GAS7: variants seen among roughly 807,000 people sequenced by gnomAD.
GAS7 encodes growth arrest specific 7, also known as growth arrest-specific protein 7.
Under a neutral mutation model 71.1 loss-of-function variants are expected in GAS7, and 28 were observed. The ratio of observed to expected loss-of-function variants is 0.39; its 90% CI spans 0.29 to 0.54. The LOEUF (loss-of-function observed/expected upper bound fraction) is 0.54. GAS7 is among the 20% of genes least tolerant of loss of function. The pLI, the probability that GAS7 is intolerant of heterozygous loss-of-function variation, is 0.62. For synonymous variants in GAS7, 258 were observed against 245.8 expected (o/e 1.05, Z -0.46); for missense variants, 436 against 627.8 (o/e 0.69, Z 3.27).
rs1182180205 is a variant in GAS7 at position 10,142,614 on chromosome 17, A to G, written c.183+55594T>C. 2.0e-5 allele frequency among the ~76,000 whole-genome samples: 3 copies of G among 152,250 alleles called. No homozygotes were observed. The East Asian group carries it at 5.8e-4, about 30-fold the overall frequency. On this transcript the variant is annotated intron_variant, in intron 1 of 13. Coordinates refer to ENST00000432992, the MANE Select transcript of GAS7 (RefSeq NM_201433.2). ...TGATCAGCCCGCCTCGGCCTCCCCA[A>G]GTCCTGGGATTACAGGCATGAGCCA...
In GAS7 at chr17:10,028,604, A is replaced by G. The variant is rs540089067; in HGVS notation, c.184-8707T>C. On this transcript the variant is annotated intron_variant, in intron 1 of 13. Transcript: ENST00000432992. Reference sequence around the variant, plus strand: ...CTCAGAAAAGTATCTAGCAACCTCAACAAAGGGCAGGAAGATATGACATTA... The same window carrying G: ...CTCAGAAAAGTATCTAGCAACCTCAGCAAAGGGCAGGAAGATATGACATTA... Among the ~76,000 whole-genome samples the G allele has an allele frequency of 2.6e-5, 4 of 152,270 alleles. No homozygotes were observed. In the South Asian group the frequency reaches 8.3e-4, roughly 32 times the overall value.
rs954736466 is a variant in GAS7, at chr17:9,917,360, A to G, written c.1318-19T>C. 2 of 1,556,804 alleles carry G rather than the reference A, an allele frequency of 1.3e-6. No homozygotes were observed. The highest frequency in any genetic ancestry group is 1.8e-6 in the Non-Finnish European group (2 of 1,127,718). Reference sequence around the variant, plus strand: ...CGACTGTCTGCAAGAGACAGAGAAAATGCGACACTGTTAGAGACGGCGGCC... The same window carrying G: ...CGACTGTCTGCAAGAGACAGAGAAAGTGCGACACTGTTAGAGACGGCGGCC... On this transcript the variant is annotated intron_variant, in intron 13 of 13. Coordinates refer to ENST00000432992, the MANE Select transcript of GAS7 (RefSeq NM_201433.2).
In GAS7 at chr17:9,959,717, A is replaced by C. The variant is rs1347110497; in HGVS notation, c.472-462T>G. On this transcript the variant is annotated intron_variant, in intron 4 of 13. Coordinates refer to ENST00000432992, the MANE Select transcript of GAS7 (RefSeq NM_201433.2). This position sits in a 1 kb window ranked among gnomAD's most constrained non-coding sequence, Gnocchi z 5.0. ...CGGGTCCAAAACGTCAAACCTAAAT[A>C]CACACAATGTGCACTGGGGCGCTGC... Among the ~76,000 whole-genome samples the C allele has an allele frequency of 6.6e-6, 1 of 152,026 alleles. No individual in the cohort carries two copies. The highest frequency in any genetic ancestry group is 2.4e-5 in the African/African-American group (1 of 41,396).
chr17:10,017,891 C>T (rs1042537685), intron 2 of GAS7, among the ~76,000 whole-genome samples: 2 of 152,100 alleles, frequency 1.3e-5, no homozygotes, highest in African/African-American at 4.8e-5. Context: ...ATCTCAGGAC[C>T]CATAAGAAAG....
At chr17:10,006,616 A>G (rs1021970861) in intron 2 of GAS7, among the ~76,000 whole-genome samples, 2 of 152,068 alleles carry the variant, frequency 1.3e-5, no homozygotes, top group Admixed American at 6.6e-5. Flanking sequence ...GGCGCGAGCC[A>G]CCGTGCCCGG....
chr17:9,961,721 G>A (rs971953882), intron 4 of GAS7, among the ~76,000 whole-genome samples: 23 of 152,176 alleles, frequency 1.5e-4, no homozygotes, highest in African/African-American at 5.6e-4. Context: ...TACAACCCCA[G>A]CAAGTTAAAT....
At position 10,141,119 on chromosome 17, in the gene GAS7, G is replaced by C. The variant is rs1419583892; in HGVS notation, c.183+57089C>G. 2.0e-5 allele frequency among the ~76,000 whole-genome samples: 3 copies of C among 152,344 alleles called. No homozygotes were observed. In the East Asian group the frequency reaches 5.8e-4, roughly 29 times the overall value. Reference sequence around the variant, plus strand: ...TCACTTCTGGAATTTCCTGCCTTGGGAAGCTGCTCACAGGTCACATCAAGG... The same window carrying C: ...TCACTTCTGGAATTTCCTGCCTTGGCAAGCTGCTCACAGGTCACATCAAGG... On this transcript the variant is annotated intron_variant, in intron 1 of 13. Transcript: ENST00000432992.
chr17:10,016,620 A>AAAAACAAAACAAACAAAAAAAAAC (rs2072025078), intron 2 of GAS7, among the ~76,000 whole-genome samples: 1 of 131,666 alleles, frequency 7.6e-6, no homozygotes, highest in African/African-American at 3.1e-5. Flanking sequence ...AAAAAAAAAA[A>AAAAACAAAACAAACAAAAAAAAAC]AAAACAAAAC....
rs570476379 is a variant in GAS7, at chr17:10,113,237, G to A, written c.183+84971C>T. Among the ~76,000 whole-genome samples the A allele has an allele frequency of 3.7e-4, 57 of 152,360 alleles. 1 individual carries two copies. The South Asian group carries it at 0.012, about 31-fold the overall frequency. On this transcript the variant is annotated intron_variant, in intron 1 of 13. Coordinates refer to ENST00000432992, the MANE Select transcript of GAS7 (RefSeq NM_201433.2). ...CAGGCACTCCTACTCGCTGCTAGCA[G>A]AAGTGTAAGCTAGAACAGTCTTGTT...
At chr17:9,939,297 T>C (rs1396493204) in intron 8 of GAS7, among the ~76,000 whole-genome samples, 1 of 152,076 alleles carries the variant, frequency 6.6e-6, no homozygotes, top group Non-Finnish European at 1.5e-5. Flanking sequence ...CCACTAGGAG[T>C]CCTTCTGTGG....
chr17:9,978,894 C>T (rs978674329), intron 3 of GAS7, among the ~76,000 whole-genome samples: 1 of 152,100 alleles, frequency 6.6e-6, no homozygotes, highest in African/African-American at 2.4e-5. Flanking sequence ...TTCCCCACCT[C>T]GGCACTAGTA....
At chr17:9,984,032 AC>A in intron 2 of GAS7, among the ~76,000 whole-genome samples, 1 of 152,152 alleles carries the variant, frequency 6.6e-6, no homozygotes, top group East Asian at 1.9e-4. Flanking sequence ...GAGATACTGT[AC>A]CAATACCAAA....
chr17:10,149,297 T>C (rs938691181), intron 1 of GAS7, among the ~76,000 whole-genome samples: 11 of 152,004 alleles, frequency 7.2e-5, no homozygotes, highest in African/African-American at 2.7e-4. Flanking sequence ...GAGACAGGGT[T>C]TTGCCACATT....
At chr17:10,121,485 T>TA (rs2073904038) in intron 1 of GAS7, among the ~76,000 whole-genome samples, 2 of 152,320 alleles carry the variant, frequency 1.3e-5, no homozygotes, top group South Asian at 4.1e-4. Context: ...GGGAAATTAT[T>TA]AAACTGCTCT....
chr17:10,057,139 T>C (rs1271218385), intron 1 of GAS7, among the ~76,000 whole-genome samples: 1 of 152,172 alleles, frequency 6.6e-6, no homozygotes, highest in African/African-American at 2.4e-5. Context: ...GATCTCGGCT[T>C]GCTACAACCT....
chr17:10,009,969 C>T (rs1049941238), intron 2 of GAS7, among the ~76,000 whole-genome samples: 2 of 152,102 alleles, frequency 1.3e-5, no homozygotes, highest in African/African-American at 4.8e-5. Flanking sequence ...CTCATTCCAA[C>T]TTAAGTCACT....
In GAS7 at chr17:10,143,273, G is replaced by T. The variant is rs568713490; in HGVS notation, c.183+54935C>A. On this transcript the variant is annotated intron_variant, in intron 1 of 13. Transcript: ENST00000432992. ...TGGAGATAGGCGGCCAAGCGTGGTG[G>T]TTCACACCTGCAATCCCAGCACTTT... Among the ~76,000 whole-genome samples the T allele has an allele frequency of 6.6e-5, 10 of 150,998 alleles. No homozygotes were observed. The South Asian group carries it at 1.9e-3, about 29-fold the overall frequency.
chr17:10,141,099 T>G (rs1057027649), intron 1 of GAS7, among the ~76,000 whole-genome samples: 8 of 152,182 alleles, frequency 5.3e-5, no homozygotes, highest in African/African-American at 1.9e-4. Flanking sequence ...CTGACTCACT[T>G]CTGGAATTTC....
chr17:10,042,787 C>G (rs553554990), intron 1 of GAS7, among the ~76,000 whole-genome samples: 22 of 152,136 alleles, frequency 1.4e-4, no homozygotes, highest in Non-Finnish European at 2.9e-4. Flanking sequence ...GACTGGAGCC[C>G]GAGGAACATG....
Sources: gnomAD v4.1 joint callset for allele counts (sites outside exome capture counted in the v4.1 genomes callset) on GRCh38, gnomAD v4.1.1 for gene constraint, Gnocchi (gnomAD v3.1) non-coding constraint, MANE v1.5 for transcripts, NCBI Gene and HGNC (gene_info 2026-07-23, HGNC 2026-07-21) for gene names.